Variants in NRG3 observed in about 807,000 individuals in gnomAD.
The protein encoded by NRG3 is neuregulin 3, also known as pro-neuregulin-3, membrane-bound isoform.
NRG3 carries 31 observed loss-of-function variants against 66.9 expected under a neutral mutation model. That is an observed-to-expected ratio of 0.46 (90% CI 0.35 to 0.63). The LOEUF is 0.63. Ranked by LOEUF, NRG3 falls within the 20% of genes least tolerant of loss-of-function variation. NRG3 has a pLI of 0.00. For synonymous variants in NRG3, 393 were observed against 359.4 expected (o/e 1.09, Z -1.06); for missense variants, 910 against 878.9 (o/e 1.04, Z -0.45).
At chr10:82,772,302 TTTCATTCATTCATTCA>T (rs35732700) in intron 3 of NRG3, among the ~76,000 whole-genome samples, 2 of 150,512 alleles carry the variant, frequency 1.3e-5, no homozygotes, top group African/African-American at 2.5e-5. Context: ...TATAGTTACT[TTTCATTCATTCATTCA>T]TTCATTCATT....
At chr10:82,883,334 A>G (rs1298163793) in intron 4 of NRG3, among the ~76,000 whole-genome samples, 1 of 152,204 alleles carries the variant, frequency 6.6e-6, no homozygotes, top group African/African-American at 2.4e-5. Context: ...CTCGGAGATC[A>G]GCAAGTTGAA....
intron 1 of NRG3, among the ~76,000 whole-genome samples, chr10:81,965,644 T>A (rs1164127787): frequency 6.6e-6 from 1 of 152,160 alleles, no homozygotes; most frequent in Non-Finnish European, 1.5e-5. Context: ...AGATTTATCC[T>A]CAGATATTTT....
intron 1 of NRG3, among the ~76,000 whole-genome samples, chr10:82,324,842 A>C (rs1395274911): frequency 6.6e-6 from 1 of 152,186 alleles, no homozygotes. Flanking sequence ...GATCTATCCT[A>C]GTAAATGTGG....
intron 1 of NRG3, among the ~76,000 whole-genome samples, chr10:82,303,224 A>G (rs74144342): frequency 0.011 from 1,724 of 152,274 alleles, 31 homozygotes; most frequent in African/African-American, 0.039. Flanking sequence ...CAGTAGTTCT[A>G]TAGTCCAGAA....
intron 1 of NRG3, among the ~76,000 whole-genome samples, chr10:82,240,004 G>A (rs575488691): frequency 6.6e-6 from 1 of 151,972 alleles, no homozygotes; most frequent in South Asian, 2.1e-4. Flanking sequence ...TAAAATAAGT[G>A]CAAGTCATAT....
chr10:81,946,875 C>T (rs1249384375), intron 1 of NRG3, among the ~76,000 whole-genome samples: 2 of 152,260 alleles, frequency 1.3e-5, no homozygotes, highest in East Asian at 1.9e-4. Flanking sequence ...TGCTTAGGCA[C>T]GGGCCTGGTC....
chr10:82,128,422 A>C (rs2068596377), intron 1 of NRG3, among the ~76,000 whole-genome samples: 1 of 152,162 alleles, frequency 6.6e-6, no homozygotes, highest in African/African-American at 2.4e-5. Context: ...TGACATGTGC[A>C]TCCCTTATAT....
chr10:82,481,457 T>C (rs1343351403), intron 2 of NRG3, among the ~76,000 whole-genome samples: 1 of 152,140 alleles, frequency 6.6e-6, no homozygotes, highest in Non-Finnish European at 1.5e-5. Context: ...TTTCTGAGAG[T>C]GTGACTCCCA....
intron 2 of NRG3, among the ~76,000 whole-genome samples, chr10:82,412,078 G>C (rs2088137780): frequency 6.6e-6 from 1 of 152,032 alleles, no homozygotes; most frequent in African/African-American, 2.4e-5. Context: ...GTTTCATGTG[G>C]ATAACCATTT....
At chr10:81,967,378 A>G (rs2059770463) in intron 1 of NRG3, among the ~76,000 whole-genome samples, 1 of 151,304 alleles carries the variant, frequency 6.6e-6, no homozygotes. Context: ...ATTTTATTTC[A>G]TAATTGTGAA....
At chr10:82,287,866 G>GT (rs1051887693) in intron 1 of NRG3, among the ~76,000 whole-genome samples, 1 of 152,176 alleles carries the variant, frequency 6.6e-6, no homozygotes, top group Non-Finnish European at 1.5e-5. Flanking sequence ...AGAAGACATG[G>GT]TTCCTCCCTC....
intron 2 of NRG3, among the ~76,000 whole-genome samples, chr10:82,484,866 G>T (rs965876244): frequency 6.6e-6 from 1 of 152,170 alleles, no homozygotes; most frequent in African/African-American, 2.4e-5. Flanking sequence ...AAAGAGAACA[G>T]TAATGTCTTG....
chr10:82,184,460 C>G (rs2133264508), intron 1 of NRG3, among the ~76,000 whole-genome samples: 1 of 152,212 alleles, frequency 6.6e-6, no homozygotes, highest in South Asian at 2.1e-4. Flanking sequence ...AATATCTGCC[C>G]TGATAGAGAA....
intron 1 of NRG3, among the ~76,000 whole-genome samples, chr10:82,025,931 A>G (rs1292677613): frequency 6.6e-6 from 1 of 152,062 alleles, no homozygotes; most frequent in Non-Finnish European, 1.5e-5. Context: ...CTGTTCAGTC[A>G]TAGACAGCCC....
chr10:82,243,419 A>G (rs894942353), intron 1 of NRG3, among the ~76,000 whole-genome samples: 2 of 152,176 alleles, frequency 1.3e-5, no homozygotes, highest in Non-Finnish European at 2.9e-5. Context: ...TTACAATACA[A>G]GTGCCCCACC....
At chr10:82,793,028 T>C (rs1344430547) in intron 3 of NRG3, among the ~76,000 whole-genome samples, 2 of 152,074 alleles carry the variant, frequency 1.3e-5, no homozygotes, top group African/African-American at 2.4e-5. Context: ...AGAGTTTTCT[T>C]CTCTCTCTTT....
At chr10:82,777,083 C>A (rs1242760672) in intron 3 of NRG3, among the ~76,000 whole-genome samples, 1 of 152,026 alleles carries the variant, frequency 6.6e-6, no homozygotes, top group Non-Finnish European at 1.5e-5. Flanking sequence ...AAAAAACTTT[C>A]ATTTGCAGAT....
chr10:81,927,912 A>C (rs183386607), intron 1 of NRG3, among the ~76,000 whole-genome samples: 3 of 152,306 alleles, frequency 2.0e-5, no homozygotes, highest in Non-Finnish European at 2.9e-5. Context: ...AGACTGAGAA[A>C]ACAGATTCCT....
chr10:82,656,980 C>T lies in NRG3; in HGVS notation c.954-81597C>T, dbSNP rs141884019. On this transcript the variant is annotated intron_variant, in intron 2 of 8. Transcript: ENST00000372141. ...CTCATCACGCTGGCCTCCAAGCTCT[C>T]ATTCCAACATGCCAGGCAGGCTTCC... 4.5e-3 allele frequency among the ~76,000 whole-genome samples: 691 copies of T among 152,194 alleles called. 9 individuals are homozygous for T. The highest frequency in any genetic ancestry group is 0.015 in the African/African-American group (639 of 41,532).
Sources: allele counts gnomAD v4.1 joint callset (sites outside exome capture counted in the v4.1 genomes callset), GRCh38; gene constraint gnomAD v4.1.1; transcripts MANE v1.5; gene names NCBI Gene and HGNC (gene_info 2026-07-23, HGNC 2026-07-21).